Variants in DLG2 observed in about 807,000 individuals in gnomAD.
DLG2 encodes discs large MAGUK scaffold protein 2, also known as disks large homolog 2.
DLG2 carries 45 observed loss-of-function variants against 132.5 expected under a neutral mutation model. The observed-to-expected ratio is 0.34, with a 90% CI of 0.27 to 0.44. The LOEUF is 0.44. Among genes scored for constraint, DLG2 ranks in the 20% least tolerant of loss-of-function variants. The probability of loss-of-function intolerance (pLI) is 1.00; values close to 1 mark genes in which losing one functional copy is unlikely to be tolerated. For missense variants in DLG2, 1,045 were observed against 1,196.9 expected, an observed-to-expected ratio of 0.87 and a Z score of 1.87; for synonymous variants, 424 against 419.6, an observed-to-expected ratio of 1.01 and a Z score of -0.13.
chr11:83,991,316 T>C (rs2093697810), intron 11 of DLG2, among the ~76,000 whole-genome samples: 1 of 152,184 alleles, frequency 6.6e-6, no homozygotes, highest in Non-Finnish European at 1.5e-5. Context: ...CCAATTAACT[T>C]ACTATAGCCA....
At chr11:85,286,221 T>A in intron 3 of DLG2, 1 of 339,286 alleles carries the variant, frequency 2.9e-6, no homozygotes, top group Non-Finnish European at 5.7e-6. Context: ...GAAAACACAA[T>A]ACATGTATAC....
At chr11:84,436,682 T>G (rs1053675100) in intron 7 of DLG2, among the ~76,000 whole-genome samples, 4 of 152,204 alleles carry the variant, frequency 2.6e-5, no homozygotes, top group Non-Finnish European at 5.9e-5. Flanking sequence ...GTAATATACC[T>G]TAGGACTTAC....
chr11:85,473,872 G>T (rs1023965284), intron 3 of DLG2, among the ~76,000 whole-genome samples: 2 of 151,906 alleles, frequency 1.3e-5, no homozygotes, highest in African/African-American at 4.8e-5. Flanking sequence ...AAGAAAATTT[G>T]ATCAATCTGA....
intron 6 of DLG2, among the ~76,000 whole-genome samples, chr11:84,722,411 AAC>A (rs1020035104): frequency 7.9e-5 from 12 of 152,312 alleles, no homozygotes; most frequent in Admixed American, 6.5e-4. Context: ...TATTGGTTAG[AAC>A]AAAAGAACAT....
At chr11:83,673,024 T>C (rs2077091631) in intron 18 of DLG2, among the ~76,000 whole-genome samples, 1 of 152,112 alleles carries the variant, frequency 6.6e-6, no homozygotes, top group African/African-American at 2.4e-5. Context: ...ATAGCGCCAC[T>C]GCACTCACTC....
At chr11:84,170,159 T>C (rs971287185) in intron 8 of DLG2, among the ~76,000 whole-genome samples, 1 of 152,106 alleles carries the variant, frequency 6.6e-6, no homozygotes, top group African/African-American at 2.4e-5. Flanking sequence ...ACTCCAAAAA[T>C]TGAGTTGTGT....
intron 17 of DLG2, among the ~76,000 whole-genome samples, chr11:83,831,524 G>GTA (rs1278996306): frequency 1.3e-5 from 2 of 152,030 alleles, no homozygotes; most frequent in Non-Finnish European, 2.9e-5. Flanking sequence ...GTGTGTGTGT[G>GTA]TGTATGTCAG....
Position 83,776,098 on chromosome 11 carries a change from A to T in DLG2, c.1825+10592T>A, listed in dbSNP as rs560263192. Among the ~76,000 whole-genome samples, 18 of 127,826 alleles carry T rather than the reference A, an allele frequency of 1.4e-4. 1 individual carries two copies. The South Asian group carries it at 4.5e-3, about 32-fold the overall frequency. The allele number at this position is 127,826 out of a possible 152,430, so 83.9% of individuals were successfully genotyped here. A position where few individuals can be genotyped will look rare whatever the true frequency, so the allele number is the denominator to read the frequency against. ...CAGAGCGAGACTCTGTCTCAAAAAT[A>T]AATAAATAAATAAAATAAATAAATA... On this transcript the variant is annotated intron_variant, in intron 18 of 27. Coordinates refer to ENST00000376104, the MANE Select transcript of DLG2 (RefSeq NM_001142699.3).
At chr11:83,463,546 T>C (rs1197888707) in intron 26 of DLG2, among the ~76,000 whole-genome samples, 1 of 152,172 alleles carries the variant, frequency 6.6e-6, no homozygotes, top group African/African-American at 2.4e-5. Flanking sequence ...CCCAACACCT[T>C]GGGAGGCTGA....
intron 3 of DLG2, among the ~76,000 whole-genome samples, chr11:85,557,610 T>C (rs1259915584): frequency 6.6e-6 from 1 of 151,662 alleles, no homozygotes; most frequent in Non-Finnish European, 1.5e-5. Flanking sequence ...AACAGACACA[T>C]AGGCCACTGG....
At chr11:84,861,476 T>G (rs1348106825) in intron 6 of DLG2, among the ~76,000 whole-genome samples, 1 of 152,018 alleles carries the variant, frequency 6.6e-6, no homozygotes, top group South Asian at 2.1e-4. Flanking sequence ...TAGAGGAGGC[T>G]TAAGGGATAT....
intron 6 of DLG2, among the ~76,000 whole-genome samples, chr11:85,039,942 C>G (rs1352717937): frequency 6.6e-6 from 1 of 151,770 alleles, no homozygotes; most frequent in Non-Finnish European, 1.5e-5. Context: ...AGAACTATAC[C>G]TTTGTGAATT....
intron 19 of DLG2, among the ~76,000 whole-genome samples, chr11:83,588,866 G>T (rs1008765379): frequency 3.3e-5 from 5 of 152,054 alleles, no homozygotes; most frequent in African/African-American, 9.7e-5. Flanking sequence ...GAGCCGATGC[G>T]ATCAACTGGA....
chr11:84,353,429 A>C (rs2098593571), intron 7 of DLG2, among the ~76,000 whole-genome samples: 1 of 152,002 alleles, frequency 6.6e-6, no homozygotes, highest in South Asian at 2.1e-4. Flanking sequence ...CATTCTTGAC[A>C]TTCCTCTCCC....
At chr11:84,789,808 C>A (rs1290793146) in intron 6 of DLG2, among the ~76,000 whole-genome samples, 1 of 152,076 alleles carries the variant, frequency 6.6e-6, no homozygotes, top group African/African-American at 2.4e-5. Flanking sequence ...TAATTTTTAG[C>A]TCCCACAAAA....
intron 8 of DLG2, among the ~76,000 whole-genome samples, chr11:84,186,569 T>C (rs931337631): frequency 5.9e-5 from 9 of 152,002 alleles, no homozygotes; most frequent in African/African-American, 2.2e-4. Context: ...GACCTAGATC[T>C]TTCAGGCTGG....
chr11:83,843,706 C>T (rs1265279717), intron 16 of DLG2, among the ~76,000 whole-genome samples: 1 of 152,016 alleles, frequency 6.6e-6, no homozygotes, highest in Admixed American at 6.5e-5. Context: ...CTCTACAGGT[C>T]GGGTTCCTTG....
At chr11:84,891,107 G>A (rs773402349) in intron 6 of DLG2, 1 of 152,098 alleles carries the variant, frequency 6.6e-6, no homozygotes, top group Non-Finnish European at 1.5e-5. Flanking sequence ...GCTACGTGGT[G>A]GCAGTCTATA....
intron 6 of DLG2, among the ~76,000 whole-genome samples, chr11:85,014,924 C>T (rs912591189): frequency 3.9e-5 from 6 of 152,284 alleles, no homozygotes; most frequent in South Asian, 2.1e-4. Context: ...AGTCTCCTAT[C>T]GCCACTCTTC....
Sources: gnomAD v4.1 joint callset for allele counts (sites outside exome capture counted in the v4.1 genomes callset) on GRCh38, gnomAD v4.1.1 for gene constraint, MANE v1.5 for transcripts, NCBI Gene and HGNC (gene_info 2026-07-23, HGNC 2026-07-21) for gene names.